Variants in NAV2 observed in about 807,000 individuals in gnomAD.
NAV2 encodes the protein neuron navigator 2.
NAV2 carries 54 observed loss-of-function variants against 223.2 expected under a neutral mutation model. That is an observed-to-expected ratio of 0.24 (90% CI 0.19 to 0.30). NAV2 has a LOEUF of 0.30. Ranked by LOEUF, NAV2 falls within the 10% of genes least tolerant of loss-of-function variation. The pLI, the probability that NAV2 is intolerant of heterozygous loss-of-function variation, is 1.00. For synonymous variants in NAV2, 1,279 were observed against 1,239.3 expected (o/e 1.03, Z -0.67); for missense variants, 2,806 against 3,147.5 (o/e 0.89, Z 2.60).
intron 1 of NAV2, among the ~76,000 whole-genome samples, chr11:19,624,777 G>T (rs561404317): frequency 1.3e-4 from 19 of 151,698 alleles, no homozygotes; most frequent in Non-Finnish European, 2.6e-4. Context: ...CCCACTGTCT[G>T]ACAAGCCCCA....
At chr11:19,974,197 A>G (rs1455902237) in intron 10 of NAV2, among the ~76,000 whole-genome samples, 1 of 152,238 alleles carries the variant, frequency 6.6e-6, no homozygotes, top group East Asian at 1.9e-4. Flanking sequence ...TCTTCCGCCC[A>G]GGTCTCATGA....
chr11:19,639,916 G>A (rs1377541797), intron 1 of NAV2, among the ~76,000 whole-genome samples: 1 of 152,194 alleles, frequency 6.6e-6, no homozygotes, highest in Non-Finnish European at 1.5e-5. Flanking sequence ...GGCCTGGTTG[G>A]CAGCCAAGGG....
intron 6 of NAV2, among the ~76,000 whole-genome samples, chr11:19,931,234 T>C (rs891719421): frequency 2.6e-5 from 4 of 152,054 alleles, no homozygotes; most frequent in Non-Finnish European, 5.9e-5. Flanking sequence ...GTGGGTGGGT[T>C]CTCGGAGCCT....
At chr11:19,585,380 TTTAAG>T (rs1296765685) in intron 1 of NAV2, among the ~76,000 whole-genome samples, 12 of 152,020 alleles carry the variant, frequency 7.9e-5, no homozygotes, top group Non-Finnish European at 2.9e-5. Context: ...CCCATTTACA[TTTAAG>T]TTAATATTGT....
At chr11:20,022,163 A>C (rs1043042684) in intron 11 of NAV2, among the ~76,000 whole-genome samples, 1 of 152,342 alleles carries the variant, frequency 6.6e-6, no homozygotes, top group East Asian at 1.9e-4. Context: ...CTTCGTTTTC[A>C]AATAAAGCTT....
At chr11:19,600,908 A>G (rs955641721) in intron 1 of NAV2, among the ~76,000 whole-genome samples, 1 of 152,194 alleles carries the variant, frequency 6.6e-6, no homozygotes, top group Non-Finnish European at 1.5e-5. Flanking sequence ...CAGCAGCATC[A>G]CTTTTTCTAC....
chr11:19,596,941 T>C (rs1036727223), intron 1 of NAV2, among the ~76,000 whole-genome samples: 1 of 152,158 alleles, frequency 6.6e-6, no homozygotes, highest in Non-Finnish European at 1.5e-5. Context: ...CACAGAATGT[T>C]TTGGTAGCTA....
intron 11 of NAV2, among the ~76,000 whole-genome samples, chr11:19,992,443 G>A (rs951472291): frequency 2.6e-5 from 4 of 152,190 alleles, no homozygotes; most frequent in African/African-American, 9.6e-5. Context: ...CTTTAAAAAG[G>A]AAAGAGCTGT....
At chr11:20,103,572 A>AG in intron 33 of NAV2, 81 bp from the exon 34 acceptor site, 1 of 1,529,722 alleles carries the variant, frequency 6.5e-7, no homozygotes, top group Non-Finnish European at 9.1e-7. Context: ...CTGGAAGCAC[A>AG]GGGCCATGGG....
At position 20,068,079 on chromosome 11, in the gene NAV2, A is replaced by G. The variant is rs2059162334; in HGVS notation, c.4885-107A>G. On this transcript the variant is annotated intron_variant, in intron 20 of 37. Transcript: ENST00000349880. Reference sequence around the variant, plus strand: ...AAATACACCAGAAAAGAAACTAATAATTCTTCCAGACTGCTGCAACCATCT... The same window carrying G: ...AAATACACCAGAAAAGAAACTAATAGTTCTTCCAGACTGCTGCAACCATCT... 7.8e-6 allele frequency: 8 copies of G among 1,028,106 alleles called. No homozygotes were observed. In the South Asian group the frequency reaches 1.1e-4, roughly 14 times the overall value. The allele number at this position is 1,028,106 out of a possible 1,614,324, so 63.7% of individuals were successfully genotyped here. A position where few individuals can be genotyped will look rare whatever the true frequency, so the allele number is the denominator to read the frequency against.
chr11:20,105,147 C>T lies in NAV2; in HGVS notation c.6645-384C>T, dbSNP rs183909900. 5 of 168,702 alleles carry T rather than the reference C, an allele frequency of 3.0e-5. No individual in the cohort carries two copies. The Admixed American group carries it at 3.0e-4, about 10-fold the overall frequency. The allele number at this position is 168,702 out of a possible 1,614,324, so 10.5% of individuals were successfully genotyped here. A position where few individuals can be genotyped will look rare whatever the true frequency, so the allele number is the denominator to read the frequency against. ...CTTAGTCATAGTGATAGTTCCATAG[C>T]CTAGCACCGGGCCTGACATCAAGCA... On this transcript the variant is annotated intron_variant, in intron 34 of 37. Coordinates refer to ENST00000349880, the MANE Select transcript of NAV2 (RefSeq NM_145117.5).
chr11:19,550,353 T>C (rs1016150093), intron 1 of NAV2, among the ~76,000 whole-genome samples: 2 of 152,226 alleles, frequency 1.3e-5, no homozygotes, highest in African/African-American at 4.8e-5. Flanking sequence ...TGCACGTTTA[T>C]TAAGCACATA....
intron 1 of NAV2, among the ~76,000 whole-genome samples, chr11:19,489,655 A>G (rs1261836872): frequency 1.3e-5 from 2 of 152,214 alleles, no homozygotes; most frequent in Non-Finnish European, 2.9e-5. Flanking sequence ...CCTGTGCCTG[A>G]TTCTCAGCTC....
chr11:19,549,249 C>T (rs1444604120), intron 1 of NAV2, among the ~76,000 whole-genome samples: 1 of 152,160 alleles, frequency 6.6e-6, no homozygotes, highest in Non-Finnish European at 1.5e-5. Context: ...AAGAGCAGCC[C>T]TGGGGCTCCT....
At chr11:19,627,652 C>T (rs2047209135) in intron 1 of NAV2, among the ~76,000 whole-genome samples, 1 of 152,104 alleles carries the variant, frequency 6.6e-6, no homozygotes, top group African/African-American at 2.4e-5. Context: ...GCCACAGTTA[C>T]AGTCTGCCCA....
chr11:19,922,562 C>A (rs1246509585), intron 6 of NAV2, among the ~76,000 whole-genome samples: 2 of 152,088 alleles, frequency 1.3e-5, no homozygotes, highest in Admixed American at 1.3e-4. Context: ...TTGAGTCCCT[C>A]CCCAGAGATA....
Position 20,103,275 on chromosome 11 carries a change from C to T in NAV2, c.6438C>T (p.Ser2146=), listed in dbSNP as rs760219718. ...KSSKELRQYL[S]NLADQCNSEN... ...CATAGGAATTGCGCCAGTACCTGTC[C>T]AACCTTGCTGACCAGTGCAACAGTG... is the stretch of plus-strand genomic sequence containing the variant. Residue 2146 remains serine (S), a synonymous_variant, in exon 33 of 38, where the codon TCC becomes TCT. Coordinates refer to ENST00000349880, the MANE Select transcript of NAV2 (RefSeq NM_145117.5). 1.9e-6 allele frequency: 3 copies of T among 1,613,772 alleles called. No individual in the cohort carries two copies. The highest frequency in any genetic ancestry group is 3.3e-5 in the Admixed American group (2 of 59,978).
intron 1 of NAV2, among the ~76,000 whole-genome samples, chr11:19,659,363 T>C (rs1464361964): frequency 3.3e-5 from 5 of 151,996 alleles, no homozygotes; most frequent in Non-Finnish European, 5.9e-5. Context: ...GGCCAGATGG[T>C]GTAGGGCCTT....
chr11:19,656,612 A>G (rs757707129), intron 1 of NAV2, among the ~76,000 whole-genome samples: 6 of 152,172 alleles, frequency 3.9e-5, no homozygotes, highest in Non-Finnish European at 8.8e-5. Flanking sequence ...TGATGGGTGA[A>G]TAAATGGGCA....
Sources: allele counts gnomAD v4.1 joint callset (sites outside exome capture counted in the v4.1 genomes callset), GRCh38; gene constraint gnomAD v4.1.1; transcripts MANE v1.5; gene names NCBI Gene and HGNC (gene_info 2026-07-23, HGNC 2026-07-21).